Variants in SETD7 observed in about 807,000 individuals in gnomAD.
The protein encoded by SETD7 is SET domain containing 7, histone lysine methyltransferase.
SETD7 carries 16 observed loss-of-function variants against 41.8 expected under a neutral mutation model. The ratio of observed to expected loss-of-function variants is 0.38; its 90% CI spans 0.26 to 0.58. SETD7 has a LOEUF of 0.58. SETD7 is among the 20% of genes least tolerant of loss of function. SETD7 has a pLI of 0.64. For synonymous variants in SETD7, 163 were observed against 169.7 expected (o/e 0.96, Z 0.31); for missense variants, 346 against 459.7 (o/e 0.75, Z 2.26).
Position 139,525,117 on chromosome 4 carries a change from G to A in SETD7, c.563-1682C>T, listed in dbSNP as rs189254278. ...CAGGCGTGAGCTGCTGTGCCCAGCCGTCACTTTTTATAAATAACCAAAATT... is the reference window on the plus strand; with the variant it reads ...CAGGCGTGAGCTGCTGTGCCCAGCCATCACTTTTTATAAATAACCAAAATT... On this transcript the variant is annotated intron_variant, in intron 4 of 7. Coordinates refer to ENST00000274031, the MANE Select transcript of SETD7 (RefSeq NM_030648.4). Among the ~76,000 whole-genome samples, 51 of 152,210 alleles carry A rather than the reference G, an allele frequency of 3.4e-4. 1 individual carries two copies. Among genetic ancestry groups the A allele is most frequent in the African/African-American group, 9.9e-4 (41 of 41,544 alleles).
chr4:139,527,415 G>T (rs1727362947), intron 4 of SETD7, among the ~76,000 whole-genome samples: 1 of 152,042 alleles, frequency 6.6e-6, no homozygotes, highest in South Asian at 2.1e-4. Context: ...ATATTTAGCT[G>T]GGCATTGTGG....
intron 5 of SETD7, among the ~76,000 whole-genome samples, chr4:139,522,690 A>G (rs1289944516): frequency 6.6e-6 from 1 of 151,182 alleles, no homozygotes; most frequent in African/African-American, 2.4e-5. Context: ...CACAGACCCT[A>G]AGAACGGGAA....
rs1308322694 is a variant in SETD7 at position 139,507,359 on chromosome 4, C to G, written c.*4304G>C. 6.6e-6 allele frequency: 1 copy of G among 152,566 alleles called. No homozygotes were observed. Among genetic ancestry groups the G allele is most frequent in the African/African-American group, 2.4e-5 (1 of 41,464 alleles). 9.5% of individuals were successfully genotyped at this position (152,566 alleles called of 1,614,324 possible). A position where few individuals can be genotyped will look rare whatever the true frequency, so the allele number is the denominator to read the frequency against. On this transcript the variant is annotated 3_prime_UTR_variant, in exon 8 of 8. Transcript: ENST00000274031. ...GGAAGCGGCTGAGGCACTGGGGAAG[C>G]CTACGAGCTCTCTCCACGTCAGGTG...
At chr4:139,545,189 C>CTT (rs368265854) in intron 2 of SETD7, among the ~76,000 whole-genome samples, 1 of 148,566 alleles carries the variant, frequency 6.7e-6, no homozygotes. Flanking sequence ...GTGATACCAA[C>CTT]TTTTTTTTTT....
At chr4:139,500,471 G>C (rs141637145) in intron 7 of SETD7, among the ~76,000 whole-genome samples, 1 of 152,212 alleles carries the variant, frequency 6.6e-6, no homozygotes, top group South Asian at 2.1e-4. Flanking sequence ...TTCAGAAACT[G>C]TAGTAAACTA....
At chr4:139,501,936 G>C (rs945886187), downstream of SETD7, among the ~76,000 whole-genome samples, 7 of 152,228 alleles carry the variant, frequency 4.6e-5, no homozygotes, top group Admixed American at 2.6e-4. Context: ...GCCTGGAAAG[G>C]TGGCATCCCA....
chr4:139,550,655 C>T (rs1319504849), intron 1 of SETD7, among the ~76,000 whole-genome samples: 2 of 152,144 alleles, frequency 1.3e-5, no homozygotes, highest in African/African-American at 4.8e-5. Flanking sequence ...CAGAATCTGA[C>T]ATAACTTTTT....
downstream of SETD7, among the ~76,000 whole-genome samples, chr4:139,494,725 G>A (rs1726421605): frequency 4.6e-5 from 7 of 152,228 alleles, no homozygotes; most frequent in Admixed American, 4.6e-4. Context: ...TGTTGGACAG[G>A]CACATGCCTT....
downstream of SETD7, among the ~76,000 whole-genome samples, chr4:139,493,489 T>A (rs1726393828): frequency 6.6e-6 from 1 of 151,444 alleles, no homozygotes; most frequent in Non-Finnish European, 1.5e-5. Flanking sequence ...CTAGCTGCAA[T>A]GGAAAGCCAT....
In SETD7 at chr4:139,555,985, T is replaced by C; in HGVS notation, c.40+113A>G. The C allele has an allele frequency of 1.8e-6, 2 of 1,092,176 alleles. No individual in the cohort carries two copies. Among genetic ancestry groups the C allele is most frequent in the Non-Finnish European group, 2.5e-6 (2 of 798,040 alleles). 67.7% of individuals were successfully genotyped at this position (1,092,176 alleles called of 1,614,324 possible). A position where few individuals can be genotyped will look rare whatever the true frequency, so the allele number is the denominator to read the frequency against. On this transcript the variant is annotated intron_variant, in intron 1 of 7. Transcript: ENST00000274031. The surrounding 1 kb of genome is among the most constrained non-coding windows in gnomAD (Gnocchi z 4.0). ...CGAGCCGGGCAACCGGCCACCCGTG[T>C]AGGGGACAGTGGCGGCCGCGGGGCC...
intron 1 of SETD7, among the ~76,000 whole-genome samples, chr4:139,550,048 A>C (rs1728068059): frequency 6.6e-6 from 1 of 151,998 alleles, no homozygotes; most frequent in Non-Finnish European, 1.5e-5. Flanking sequence ...CAAAACGGCT[A>C]ATTAAAAATT....
chr4:139,517,305 T>C (rs578159438), intron 7 of SETD7, among the ~76,000 whole-genome samples: 92 of 152,216 alleles, frequency 6.0e-4, no homozygotes, highest in Non-Finnish European at 1.1e-3. Flanking sequence ...TGAAAACCCA[T>C]CTCTACTAAA....
intron 2 of SETD7, among the ~76,000 whole-genome samples, chr4:139,535,619 T>C (rs1282837305): frequency 6.6e-6 from 1 of 152,204 alleles, no homozygotes; most frequent in Non-Finnish European, 1.5e-5. Flanking sequence ...CTAACCTCCC[T>C]TACCCATGGA....
intron 4 of SETD7, among the ~76,000 whole-genome samples, chr4:139,524,426 A>G (rs988914496): frequency 3.3e-5 from 5 of 152,238 alleles, no homozygotes; most frequent in African/African-American, 1.2e-4. Context: ...GACACTGGCA[A>G]GAGCAGGAAG....
At position 139,510,810 on chromosome 4, in the gene SETD7, C is replaced by G. The variant is rs1382641208; in HGVS notation, c.*853G>C. The G allele has an allele frequency of 6.6e-6, 1 of 152,554 alleles. No homozygotes were observed. The highest frequency in any genetic ancestry group is 1.5e-5 in the Non-Finnish European group (1 of 68,016). The allele number at this position is 152,554 out of a possible 1,614,324, so 9.5% of individuals were successfully genotyped here. A position where few individuals can be genotyped will look rare whatever the true frequency, so the allele number is the denominator to read the frequency against. ...TTGCCATAGTTACCGCTTAGAGATA[C>G]TAGTTTTCTTCTCTTCTTTCTTAAA... On this transcript the variant is annotated 3_prime_UTR_variant, in exon 8 of 8. Coordinates refer to ENST00000274031, the MANE Select transcript of SETD7 (RefSeq NM_030648.4).
Position 139,509,265 on chromosome 4 carries a change from T to C in SETD7, c.*2398A>G, listed in dbSNP as rs1440154217. On this transcript the variant is annotated 3_prime_UTR_variant, in exon 8 of 8. Coordinates refer to ENST00000274031, the MANE Select transcript of SETD7 (RefSeq NM_030648.4). ...TATGAAGAGAGTTGGGAGGAAGACATGGTGAGGCTCAGCGTGGATGCATTG... is the reference window on the plus strand; with the variant it reads ...TATGAAGAGAGTTGGGAGGAAGACACGGTGAGGCTCAGCGTGGATGCATTG... The C allele has an allele frequency of 6.6e-6, 1 of 152,334 alleles. No individual in the cohort carries two copies. The highest frequency in any genetic ancestry group is 1.5e-5 in the Non-Finnish European group (1 of 68,126). 9.4% of individuals were successfully genotyped at this position (152,334 alleles called of 1,614,324 possible). A position where few individuals can be genotyped will look rare whatever the true frequency, so the allele number is the denominator to read the frequency against.
In SETD7 at chr4:139,517,802, G is replaced by A; in HGVS notation, c.920+83C>T. On this transcript the variant is annotated intron_variant, in intron 7 of 7. Transcript: ENST00000274031. ...TCAGATGAAGCAGCCTTTATCTGAGGCAGAATAACACTTTTTACTGCCCTC... is the reference window on the plus strand; with the variant it reads ...TCAGATGAAGCAGCCTTTATCTGAGACAGAATAACACTTTTTACTGCCCTC... 3.5e-6 allele frequency: 5 copies of A among 1,419,122 alleles called. No individual in the cohort carries two copies. The South Asian group carries it at 7.1e-5, about 20-fold the overall frequency. The allele number at this position is 1,419,122 out of a possible 1,614,324, so 87.9% of individuals were successfully genotyped here.
At chr4:139,534,716 G>A (rs1201058350) in intron 2 of SETD7, among the ~76,000 whole-genome samples, 8 of 152,226 alleles carry the variant, frequency 5.3e-5, no homozygotes, top group South Asian at 2.1e-4. Context: ...GCTCTAGAGC[G>A]GATAAGGAAC....
At position 139,544,669 on chromosome 4, in the gene SETD7, C is replaced by T. The variant is rs528968528; in HGVS notation, c.170+2251G>A. Among the ~76,000 whole-genome samples, 93 of 152,280 alleles carry T rather than the reference C, an allele frequency of 6.1e-4. 1 individual carries two copies. Among genetic ancestry groups the T allele is most frequent in the Non-Finnish European group, 1.1e-3 (77 of 68,024 alleles). On this transcript the variant is annotated intron_variant, in intron 2 of 7. Transcript: ENST00000274031. ...ACTGGTTCAGAATTTTAGTCTAGCC[C>T]ATCAGTACTCTGTGTATCAGCCCCA...
Sources: allele counts gnomAD v4.1 joint callset (sites outside exome capture counted in the v4.1 genomes callset), GRCh38; gene constraint gnomAD v4.1.1; non-coding constraint Gnocchi (gnomAD v3.1); transcripts MANE v1.5; gene names NCBI Gene and HGNC (gene_info 2026-07-23, HGNC 2026-07-21).